Variants in NCAPH observed in about 807,000 individuals in gnomAD.
The protein encoded by NCAPH is non-SMC condensin I complex subunit H, also known as condensin complex subunit 2.
In NCAPH, 38 loss-of-function variants were observed where a neutral mutation model predicts 85.5. The observed-to-expected ratio is 0.44, with a 90% CI of 0.34 to 0.58. The LOEUF is 0.58. NCAPH is among the 20% of genes least tolerant of loss of function. The pLI is 0.01. For synonymous variants in NCAPH, 301 were observed against 335.1 expected (o/e 0.90, Z 1.11); for missense variants, 789 against 916.6 (o/e 0.86, Z 1.80).
At chr2:96,359,265 G>C in intron 10 of NCAPH, 72 bp downstream of exon 10, 1 of 1,557,438 alleles carries the variant, frequency 6.4e-7, no homozygotes, top group Non-Finnish European at 8.8e-7. Flanking sequence ...GTTAGCCAAG[G>C]AAAAGAAATG....
Position 96,365,941 on chromosome 2 carries a change from C to G in NCAPH, c.1764C>G (p.Leu588=), listed in dbSNP as rs766805296. Residue 588 remains leucine (L), a synonymous_variant, in exon 14 of 18, where the codon CTC becomes CTG. Coordinates refer to ENST00000240423, the MANE Select transcript of NCAPH (RefSeq NM_015341.5). ...LFVGPVGNSD[L]SPYPCHPPKT... is the part of the protein sequence containing the mutation. ...TGGGACCTGTTGGGAACTCTGACCT[C>G]TCACCTTATCCTTGCCATCCACCTA... 6.2e-7 allele frequency: 1 copy of G among 1,614,218 alleles called. No individual in the cohort carries two copies. Among genetic ancestry groups the G allele is most frequent in the African/African-American group, 1.3e-5 (1 of 75,056 alleles).
chr2:96,354,137 G>A, intron 8 of NCAPH, 46 bp from the exon 9 acceptor site: 1 of 1,564,368 alleles, frequency 6.4e-7, no homozygotes, highest in South Asian at 1.1e-5. Context: ...GTGATTTGGG[G>A]TGGTTATAGG....
chr2:96,343,506 T>C (rs182884323), intron 5 of NCAPH, among the ~76,000 whole-genome samples: 4 of 152,334 alleles, frequency 2.6e-5, no homozygotes, highest in African/African-American at 7.2e-5. Context: ...AGAAGGGCCT[T>C]ATAAAAGCGT....
chr2:96,369,480 C>T lies in NCAPH; in HGVS notation c.2146C>T (p.Leu716=), dbSNP rs147238606. The T allele has an allele frequency of 6.2e-7, 1 of 1,613,930 alleles. No homozygotes were observed. Among genetic ancestry groups the T allele is most frequent in the African/African-American group, 1.3e-5 (1 of 74,918 alleles). ...LSIPLAFACL[L]HLANEKNLKL... ...CATACCTCTGGCTTTTGCCTGTCTC[C>T]TACATTTAGCCAATGAAAAGGTAGG... The change falls in exon 17 of 18, where the codon CTA becomes TTA. Residue 716 remains leucine (L), a synonymous_variant. Coordinates refer to ENST00000240423, the MANE Select transcript of NCAPH (RefSeq NM_015341.5).
chr2:96,371,349 C>G (rs2064770683), intron 17 of NCAPH, among the ~76,000 whole-genome samples: 1 of 152,166 alleles, frequency 6.6e-6, no homozygotes, highest in Non-Finnish European at 1.5e-5. Flanking sequence ...AGTGTTACTG[C>G]TTTCGCTCAT....
chr2:96,342,256 T>C, intron 3 of NCAPH, 116 bp downstream of exon 3: 2 of 1,003,254 alleles, frequency 2.0e-6, no homozygotes, highest in Admixed American at 4.1e-5. Context: ...TGGTGAGTCA[T>C]CTTAGTGCTG....
intron 6 of NCAPH, among the ~76,000 whole-genome samples, chr2:96,347,099 C>T (rs2064371807): frequency 6.6e-6 from 1 of 152,106 alleles, no homozygotes; most frequent in African/African-American, 2.4e-5. Flanking sequence ...TGATGTTGTA[C>T]TCAGAGCTGG....
chr2:96,350,493 T>C, intron 6 of NCAPH, among the ~76,000 whole-genome samples: 1 of 151,228 alleles, frequency 6.6e-6, no homozygotes, highest in East Asian at 1.9e-4. Flanking sequence ...ATTTTTAGGA[T>C]GGGGAAAAAA....
intron 7 of NCAPH, among the ~76,000 whole-genome samples, chr2:96,352,617 C>A (rs2064460230): frequency 6.6e-6 from 1 of 152,150 alleles, no homozygotes; most frequent in African/African-American, 2.4e-5. Flanking sequence ...CAGGTGCGTG[C>A]AGTGCAGTAG....
At chr2:96,346,272 G>A (rs1406079067) in intron 6 of NCAPH, among the ~76,000 whole-genome samples, 1 of 152,116 alleles carries the variant, frequency 6.6e-6, no homozygotes, top group Non-Finnish European at 1.5e-5. Context: ...GCGTGAGGAG[G>A]GGAAAGGGTA....
In NCAPH at chr2:96,374,002, T is replaced by C. The variant is rs1346609257; in HGVS notation, c.*651T>C. Among the ~76,000 whole-genome samples, 13 of 152,246 alleles carry C rather than the reference T, an allele frequency of 8.5e-5. No individual in the cohort carries two copies. Among genetic ancestry groups the C allele is most frequent in the Non-Finnish European group, 1.9e-4 (13 of 68,028 alleles). On this transcript the variant is annotated 3_prime_UTR_variant, in exon 18 of 18. Transcript: ENST00000240423. ...GAGGAGAATGGAAGAGAGAGATTGC[T>C]GACTGGACATTCAGATGCAAGACTG...
At chr2:96,354,869 C>A (rs62153911) in intron 9 of NCAPH, among the ~76,000 whole-genome samples, 3 of 152,150 alleles carry the variant, frequency 2.0e-5, no homozygotes, top group Non-Finnish European at 4.4e-5. Flanking sequence ...CTAGTAATTA[C>A]GTCAATGTGG....
rs532953000 is a variant in NCAPH, at chr2:96,345,259, G to A, written c.720+1030G>A. Among the ~76,000 whole-genome samples the A allele has an allele frequency of 6.6e-5, 10 of 152,298 alleles. No homozygotes were observed. The East Asian group carries it at 1.5e-3, about 23-fold the overall frequency. On this transcript the variant is annotated intron_variant, in intron 6 of 17. Coordinates refer to ENST00000240423, the MANE Select transcript of NCAPH (RefSeq NM_015341.5). ...CTGAGGCCACTAATGAGCTTGGAGT[G>A]GGGGCCCCTCTGAAACTCAAGCTCA... is the stretch of plus-strand genomic sequence containing the variant.
intron 12 of NCAPH, 59 bp downstream of exon 12, chr2:96,360,769 CAGTT>C: frequency 1.3e-6 from 2 of 1,591,558 alleles, no homozygotes; most frequent in South Asian, 1.1e-5. Context: ...GATAGTATGA[CAGTT>C]AGGCAGTGCC....
At chr2:96,359,496 C>T (rs1275933025) in intron 10 of NCAPH, 4 of 369,412 alleles carry the variant, frequency 1.1e-5, no homozygotes, top group South Asian at 4.7e-5. Flanking sequence ...GTGGGCATGA[C>T]CCCCGGGCAC....
At position 96,343,273 on chromosome 2, in the gene NCAPH, G is replaced by A. The variant is rs577284139; in HGVS notation, c.564G>A (p.Pro188=). The change falls in exon 5 of 18, where the codon CCG becomes CCA. Residue 188 remains proline (P), a synonymous_variant. Coordinates refer to ENST00000240423, the MANE Select transcript of NCAPH (RefSeq NM_015341.5). ...RVLGGLGKDA[P]SLEEVEGHVA... ...TTGGGGGGCTGGGCAAAGATGCACC[G>A]TCTTTGGAAGAAGTAGAAGGCCATG... 2.0e-5 allele frequency: 32 copies of A among 1,613,312 alleles called. No homozygotes were observed. Among genetic ancestry groups the A allele is most frequent in the South Asian group, 2.0e-4 (18 of 90,956 alleles).
chr2:96,373,274 G>C lies in NCAPH; in HGVS notation c.2167-18G>C, dbSNP rs1309303300. Reference sequence around the variant, plus strand: ...TCTCCGTATACCAAAGTCCATGCATGTTTTGGTCTTCCCTCAGAATCTAAA... The same window carrying C: ...TCTCCGTATACCAAAGTCCATGCATCTTTTGGTCTTCCCTCAGAATCTAAA... On this transcript the variant is annotated intron_variant, in intron 17 of 17. Transcript: ENST00000240423. 1 of 1,607,798 alleles carries C rather than the reference G, an allele frequency of 6.2e-7. No homozygotes were observed. Among genetic ancestry groups the C allele is most frequent in the South Asian group, 1.1e-5 (1 of 90,848 alleles).
intron 1 of NCAPH, among the ~76,000 whole-genome samples, chr2:96,337,017 A>G (rs2064223312): frequency 6.6e-6 from 1 of 152,238 alleles, no homozygotes. Context: ...GTTATAGATG[A>G]TCACGAAAAG....
At chr2:96,368,663 AAAC>A (rs564324431) in intron 15 of NCAPH, among the ~76,000 whole-genome samples, 41 of 152,226 alleles carry the variant, frequency 2.7e-4, no homozygotes, top group Non-Finnish European at 3.1e-4. Flanking sequence ...CTCAAAAAAA[AAAC>A]AAACAAACAT....
Sources: gnomAD v4.1 joint callset for allele counts (sites outside exome capture counted in the v4.1 genomes callset) on GRCh38, gnomAD v4.1.1 for gene constraint, MANE v1.5 for transcripts, NCBI Gene and HGNC (gene_info 2026-07-23, HGNC 2026-07-21) for gene names.